SQOR: variants seen among roughly 807,000 people sequenced by gnomAD.
SQOR encodes the protein sulfide quinone oxidoreductase, also known as sulfide:quinone oxidoreductase, mitochondrial.
A neutral mutation model predicts 48.6 loss-of-function variants in SQOR; 39 were observed. That is an observed-to-expected ratio of 0.80 (90% CI 0.62 to 1.05). SQOR has a LOEUF of 1.05. Among genes scored for constraint, SQOR ranks in the 50% least tolerant of loss-of-function variants. The probability of loss-of-function intolerance (pLI) is 0.00; values close to 1 mark genes in which losing one functional copy is unlikely to be tolerated. For missense variants in SQOR, 561 were observed against 559.9 expected (o/e 1.00, Z -0.02); for synonymous variants, 220 against 206.2 (o/e 1.07, Z -0.57).
At chr15:45,646,752 C>T (rs1419445561) in intron 1 of SQOR, among the ~76,000 whole-genome samples, 1 of 152,126 alleles carries the variant, frequency 6.6e-6, no homozygotes, top group African/African-American at 2.4e-5. Flanking sequence ...CCATATATAT[C>T]CATCCACTGA....
intron 6 of SQOR, among the ~76,000 whole-genome samples, chr15:45,678,852 C>T (rs899137686): frequency 6.6e-6 from 1 of 152,102 alleles, no homozygotes; most frequent in South Asian, 2.1e-4. Flanking sequence ...CTCAAATGGC[C>T]TCACTCAAAT....
chr15:45,681,150 C>G (rs1890121643), intron 6 of SQOR, among the ~76,000 whole-genome samples: 2 of 152,182 alleles, frequency 1.3e-5, no homozygotes, highest in Admixed American at 6.5e-5. Flanking sequence ...CTGTAGTGAG[C>G]TATGATCAAG....
intron 1 of SQOR, among the ~76,000 whole-genome samples, chr15:45,656,607 G>A (rs1241554613): frequency 6.6e-6 from 1 of 151,986 alleles, no homozygotes; most frequent in Non-Finnish European, 1.5e-5. Context: ...TAATGTATGT[G>A]TATAGTAGAG....
intron 5 of SQOR, chr15:45,674,123 C>G (rs1331979393): frequency 3.5e-6 from 1 of 285,928 alleles, no homozygotes; most frequent in African/African-American, 2.2e-5. Context: ...TTGTTACATA[C>G]TTTTTAAATG....
intron 9 of SQOR, 191 bp downstream of exon 9, chr15:45,689,408 G>T: frequency 2.2e-6 from 1 of 451,050 alleles, no homozygotes; most frequent in Non-Finnish European, 3.8e-6. Flanking sequence ...TCTATCATCT[G>T]CTACCTTACT....
chr15:45,633,126 TAA>T (rs200408971), upstream of SQOR, among the ~76,000 whole-genome samples: 6 of 141,620 alleles, frequency 4.2e-5, no homozygotes, highest in Admixed American at 7.0e-5. Flanking sequence ...CTGTCTCAAT[TAA>T]AAAAAAAAAA....
In SQOR at chr15:45,659,178, G is replaced by A. The variant is rs1442513264; in HGVS notation, c.234+21G>A. Reference sequence around the variant, plus strand: ...GTGAGGTAAGCCTCCCCTTTTGAGGGCCTGGGTGTGTGTGTACGTGTGTGT... The same window carrying A: ...GTGAGGTAAGCCTCCCCTTTTGAGGACCTGGGTGTGTGTGTACGTGTGTGT... On this transcript the variant is annotated intron_variant, in intron 2 of 9. Coordinates refer to ENST00000260324, the MANE Select transcript of SQOR (RefSeq NM_021199.4). 7 of 1,491,002 alleles carry A rather than the reference G, an allele frequency of 4.7e-6. No homozygotes were observed. In the East Asian group the frequency reaches 1.7e-4, roughly 36 times the overall value. 92.4% of individuals were successfully genotyped at this position (1,491,002 alleles called of 1,614,324 possible).
chr15:45,644,079 G>C (rs565341388), intron 1 of SQOR, among the ~76,000 whole-genome samples: 29 of 152,064 alleles, frequency 1.9e-4, no homozygotes, highest in African/African-American at 5.8e-4. Context: ...GCATAGAGAC[G>C]GCGTATTTTT....
At chr15:45,672,964 G>T (rs1889970570) in intron 4 of SQOR, among the ~76,000 whole-genome samples, 1 of 152,178 alleles carries the variant, frequency 6.6e-6, no homozygotes, top group East Asian at 1.9e-4. Flanking sequence ...TTCTGATTCA[G>T]TAGGTCTAGG....
At position 45,688,398 on chromosome 15, in the gene SQOR, A is replaced by G. The variant is rs1481301011; in HGVS notation, c.1110A>G (p.Thr370=). The G allele has an allele frequency of 2.5e-6, 4 of 1,603,972 alleles. No homozygotes were observed. The highest frequency in any genetic ancestry group is 2.2e-5 in the East Asian group (1 of 44,524). Residue 370 remains threonine (T), a synonymous_variant, in exon 8 of 10, where the codon ACA becomes ACG. Coordinates refer to ENST00000260324, the MANE Select transcript of SQOR (RefSeq NM_021199.4). ...TAATTATGAAGAATCAAACACCAACAAAGAAGGTTTGTATGCCTTGTAAGA... is the reference window on the plus strand; with the variant it reads ...TAATTATGAAGAATCAAACACCAACGAAGAAGGTTTGTATGCCTTGTAAGA... ...ISVIMKNQTP[T]KKYDGYTSCP... is the part of the protein sequence containing the mutation.
intron 1 of SQOR, among the ~76,000 whole-genome samples, chr15:45,638,690 G>A (rs774886099): frequency 1.3e-5 from 2 of 151,320 alleles, no homozygotes; most frequent in African/African-American, 4.9e-5. Context: ...TCATGCCACT[G>A]CATTCTAGCC....
intron 1 of SQOR, among the ~76,000 whole-genome samples, chr15:45,653,119 C>T (rs1352162882): frequency 7.9e-5 from 12 of 152,146 alleles, no homozygotes; most frequent in Admixed American, 7.9e-4. Context: ...TATATGTTCT[C>T]TTTTTCAATA....
At chr15:45,681,932 C>T (rs1260458375) in intron 6 of SQOR, among the ~76,000 whole-genome samples, 1 of 152,140 alleles carries the variant, frequency 6.6e-6, no homozygotes, top group Non-Finnish European at 1.5e-5. Context: ...TTTACCACCC[C>T]TTTTCATCTT....
intron 1 of SQOR, among the ~76,000 whole-genome samples, chr15:45,650,754 T>C (rs560923185): frequency 6.6e-6 from 1 of 152,296 alleles, no homozygotes; most frequent in South Asian, 2.1e-4. Flanking sequence ...AGAGTGCTGA[T>C]TGGTGTATTT....
intron 1 of SQOR, among the ~76,000 whole-genome samples, chr15:45,651,886 T>G (rs1027340717): frequency 6.6e-6 from 1 of 152,114 alleles, no homozygotes; most frequent in Non-Finnish European, 1.5e-5. Context: ...TCCTTCTTCT[T>G]CTTCTTCTTT....
At chr15:45,657,530 TTCCTACAGCTCTAG>T (rs1281632289) in intron 1 of SQOR, among the ~76,000 whole-genome samples, 1 of 152,158 alleles carries the variant, frequency 6.6e-6, no homozygotes, top group East Asian at 1.9e-4. Flanking sequence ...CCAAATCCCC[TTCCTACAGCTCTAG>T]GTTGCTTCTC....
intron 7 of SQOR, among the ~76,000 whole-genome samples, chr15:45,687,135 T>C (rs1890239324): frequency 6.6e-6 from 1 of 152,096 alleles, no homozygotes; most frequent in South Asian, 2.1e-4. Context: ...TAGTCTTTTT[T>C]TGTTTTTCTG....
chr15:45,676,237 T>A lies in SQOR; in HGVS notation c.791T>A (p.Ile264Asn). The change falls in exon 6 of 10, where the codon ATT becomes AAT. Residue 264 changes from isoleucine to asparagine, a missense_variant. Coordinates refer to ENST00000260324, the MANE Select transcript of SQOR (RefSeq NM_021199.4). ...NLTVNYKKNL[I>N]EVRADKQEAV... Reference sequence around the variant, plus strand: ...ACTGTTAACTACAAGAAAAACCTCATTGAAGTCCGAGCCGATAAACAAGAG... The same window carrying A: ...ACTGTTAACTACAAGAAAAACCTCAATGAAGTCCGAGCCGATAAACAAGAG... 12 of 1,613,898 alleles carry A rather than the reference T, an allele frequency of 7.4e-6. No homozygotes were observed. Among genetic ancestry groups the A allele is most frequent in the Non-Finnish European group, 9.3e-6 (11 of 1,179,966 alleles).
At chr15:45,685,082 GT>G (rs1319654991) in intron 7 of SQOR, among the ~76,000 whole-genome samples, 1 of 152,180 alleles carries the variant, frequency 6.6e-6, no homozygotes, top group Non-Finnish European at 1.5e-5. Flanking sequence ...TGGTGCAAAA[GT>G]AATTGCGGTT....
Sources: gnomAD v4.1 joint callset for allele counts (sites outside exome capture counted in the v4.1 genomes callset) on GRCh38, gnomAD v4.1.1 for gene constraint, MANE v1.5 for transcripts, NCBI Gene and HGNC (gene_info 2026-07-23, HGNC 2026-07-21) for gene names.